Variants in TBX21 observed in about 807,000 individuals in gnomAD.
TBX21 encodes T-box transcription factor 21.
TBX21 carries 11 observed loss-of-function variants against 52.2 expected under a neutral mutation model. The observed-to-expected ratio is 0.21, with a 90% confidence interval of 0.13 to 0.35. The LOEUF (loss-of-function observed/expected upper bound fraction) is 0.35. Ranked by LOEUF, TBX21 falls within the 10% of genes least tolerant of loss-of-function variation. TBX21 has a pLI of 1.00. For missense variants in TBX21, 625 were observed against 755.1 expected, an observed-to-expected ratio of 0.83 and a Z score of 2.02; for synonymous variants, 300 against 316.1, an observed-to-expected ratio of 0.95 and a Z score of 0.54.
At chr17:47,736,025 G>T (rs1489008331) in intron 1 of TBX21, among the ~76,000 whole-genome samples, 1 of 152,188 alleles carries the variant, frequency 6.6e-6, no homozygotes, top group Non-Finnish European at 1.5e-5. Context: ...GCTTCAGGGA[G>T]GCTGTAGAGC....
In TBX21 at chr17:47,733,800, G is replaced by A. The variant is rs1300379476; in HGVS notation, c.346G>A (p.Gly116Arg). The change falls in exon 1 of 6, where the codon GGG (glycine) becomes AGG (arginine). Residue 116 changes from glycine (G) to arginine (R), a missense_variant. This residue lies in a region of TBX21 where 221 missense variants were observed against 204.9 expected (regional missense o/e 1.08). Coordinates refer to ENST00000177694, the MANE Select transcript of TBX21 (RefSeq NM_013351.2). This position sits in a 1 kb window ranked among gnomAD's most constrained non-coding sequence, Gnocchi z 6.6. Reference protein sequence around the residue: ...EGYAAPDPRAGLYPGPREDYA... With the variant: ...EGYAAPDPRARLYPGPREDYA... ...CTACGCCGCCCCGGACCCGCGCGCC[G>A]GGCTCTACCCGGGGCCGCGTGAGGA... 4 of 1,575,858 alleles carry A rather than the reference G, an allele frequency of 2.5e-6. No individual in the cohort carries two copies. The South Asian group carries it at 4.6e-5, about 18-fold the overall frequency.
chr17:47,742,928 C>T lies in TBX21; in HGVS notation c.647-143C>T. 2.0e-6 allele frequency: 3 copies of T among 1,506,060 alleles called. No homozygotes were observed. Among genetic ancestry groups the T allele is most frequent in the Non-Finnish European group, 2.7e-6 (3 of 1,125,884 alleles). 93.3% of individuals were successfully genotyped at this position (1,506,060 alleles called of 1,614,324 possible). A position where few individuals can be genotyped will look rare whatever the true frequency, so the allele number is the denominator to read the frequency against. ...TTCTGGCTTCCTGCTTTGCTCTAGC[C>T]TGTCCTCTGCTGAGTCCTCTGCCCT... is the stretch of plus-strand genomic sequence containing the variant. On this transcript the variant is annotated intron_variant, in intron 2 of 5. Coordinates refer to ENST00000177694, the MANE Select transcript of TBX21 (RefSeq NM_013351.2). The surrounding 1 kb of genome is among the most constrained non-coding windows in gnomAD (Gnocchi z 4.4).
In TBX21 at chr17:47,733,741, C is replaced by T; in HGVS notation, c.287C>T (p.Pro96Leu). The change falls in exon 1 of 6, where the codon CCC becomes CTC. Residue 96 changes from proline (P) to leucine (L), a missense_variant. Pro to Leu is a moderately conservative substitution (Grantham distance 98, BLOSUM62 -3). Coordinates refer to ENST00000177694, the MANE Select transcript of TBX21 (RefSeq NM_013351.2). The surrounding 1 kb of genome is among the most constrained non-coding windows in gnomAD (Gnocchi z 6.6). ...FPGAGESFPPPADAEGYQPGE... is the reference protein window; with the variant it reads ...FPGAGESFPPLADAEGYQPGE... ...GGCGCGGGCGAGTCCTTCCCGCCGC[C>T]CGCGGACGCCGAGGGCTACCAGCCG... The T allele has an allele frequency of 6.9e-7, 1 of 1,442,528 alleles. No homozygotes were observed. Among genetic ancestry groups the T allele is most frequent in the Non-Finnish European group, 9.1e-7 (1 of 1,102,026 alleles). The allele number at this position is 1,442,528 out of a possible 1,614,324, so 89.4% of individuals were successfully genotyped here. A position where few individuals can be genotyped will look rare whatever the true frequency, so the allele number is the denominator to read the frequency against.
At chr17:47,743,311 A>G (rs2032288771) in intron 3 of TBX21, 119 bp downstream of exon 3, 1 of 1,389,268 alleles carries the variant, frequency 7.2e-7, no homozygotes, top group African/African-American at 1.5e-5. Context: ...TTCCTACAGG[A>G]AGGAAGGTTC....
chr17:47,745,090 G>T lies in TBX21; in HGVS notation c.1332G>T (p.Pro444=). 1.2e-6 allele frequency: 2 copies of T among 1,613,698 alleles called. No homozygotes were observed. The highest frequency in any genetic ancestry group is 1.7e-6 in the Non-Finnish European group (2 of 1,180,012). ...VAPQYPPKMG[P]ASWFRPMRTL... is the part of the protein sequence containing the mutation. ...CCCAGTACCCTCCCAAGATGGGCCC[G>T]GCCAGCTGGTTCCGCCCTATGCGGA... is the stretch of plus-strand genomic sequence containing the variant. The change falls in exon 6 of 6, where the codon CCG becomes CCT. Residue 444 remains proline, a synonymous_variant. Transcript: ENST00000177694.
intron 1 of TBX21, among the ~76,000 whole-genome samples, chr17:47,741,277 G>A (rs2032264436): frequency 6.6e-6 from 1 of 152,022 alleles, no homozygotes; most frequent in South Asian, 2.1e-4. Flanking sequence ...TGTAGTGACG[G>A]TGGTTGTGAT....
chr17:47,744,640 T>A (rs1464542076), intron 5 of TBX21, 97 bp downstream of exon 5: 12 of 1,604,086 alleles, frequency 7.5e-6, no homozygotes, highest in Admixed American at 1.7e-5. Context: ...ATGCTACAGG[T>A]GGGCAGGCCA....
Position 47,742,576 on chromosome 17 carries a change from G to A in TBX21, c.492-34G>A. The A allele has an allele frequency of 6.4e-7, 1 of 1,564,906 alleles. No individual in the cohort carries two copies. Among genetic ancestry groups the A allele is most frequent in the Non-Finnish European group, 8.7e-7 (1 of 1,151,014 alleles). ...GGGGACTGGCTGTCAAGCTGGAGCT[G>A]ATGGGTGCTGGGGGCTTTCTCTCTT... On this transcript the variant is annotated intron_variant, in intron 1 of 5. Coordinates refer to ENST00000177694, the MANE Select transcript of TBX21 (RefSeq NM_013351.2). The surrounding 1 kb of genome is among the most constrained non-coding windows in gnomAD (Gnocchi z 4.4).
In TBX21 at chr17:47,745,258, G is replaced by A; in HGVS notation, c.1500G>A (p.Arg500=). The A allele has an allele frequency of 6.2e-7, 1 of 1,614,252 alleles. No individual in the cohort carries two copies. Among genetic ancestry groups the A allele is most frequent in the Non-Finnish European group, 8.5e-7 (1 of 1,180,046 alleles). ...SGLGEGDSKR[R]RVSPYPSSGD... is the part of the protein sequence containing the mutation. ...TGGGCGAAGGAGACTCTAAGAGGAG[G>A]CGCGTGTCCCCCTATCCTTCCAGTG... The change falls in exon 6 of 6, where the codon AGG becomes AGA. Residue 500 remains arginine (R), a synonymous_variant. Transcript: ENST00000177694.
At position 47,742,470 on chromosome 17, in the gene TBX21, C is replaced by T; in HGVS notation, c.492-140C>T. On this transcript the variant is annotated intron_variant, in intron 1 of 5. Transcript: ENST00000177694. This position sits in a 1 kb window ranked among gnomAD's most constrained non-coding sequence, Gnocchi z 4.4. The stretch of plus-strand genomic sequence containing the variant: ...TGTTTAACCACTGGCTGGCAAACTC[C>T]CTAAACACCTTCCAGCTGGTTCTTG... 9.7e-7 allele frequency: 1 copy of T among 1,031,012 alleles called. No homozygotes were observed. Among genetic ancestry groups the T allele is most frequent in the Non-Finnish European group, 1.4e-6 (1 of 732,292 alleles). The allele number at this position is 1,031,012 out of a possible 1,614,324, so 63.9% of individuals were successfully genotyped here.
intron 1 of TBX21, among the ~76,000 whole-genome samples, chr17:47,734,554 GGTGTGTGT>G (rs55690005): frequency 0.031 from 3,204 of 102,946 alleles, 28 homozygotes; most frequent in South Asian, 0.046. Context: ...TCATATGTCT[GGTGTGTGT>G]GTGTGTGTGT....
intron 1 of TBX21, among the ~76,000 whole-genome samples, chr17:47,738,231 C>T (rs1023821964): frequency 1.9e-4 from 29 of 152,318 alleles, no homozygotes; most frequent in Admixed American, 1.8e-3. Flanking sequence ...GATTATGGCT[C>T]ACTGCAGCCT....
chr17:47,737,138 G>A (rs545541185), intron 1 of TBX21, among the ~76,000 whole-genome samples: 1 of 152,208 alleles, frequency 6.6e-6, no homozygotes, highest in Non-Finnish European at 1.5e-5. Flanking sequence ...GGAGACTTTG[G>A]TGTCTACGTT....
rs1349928467 is a variant in TBX21, at chr17:47,733,350, CG to C, written c.-102del. ...CCGGTGGGGTCCCCCACCCGGCCCT[CG>C]GGTCCCCCGCCCCCTGCTCCCTGCC... On this transcript the variant is annotated 5_prime_UTR_variant, in exon 1 of 6. Coordinates refer to ENST00000177694, the MANE Select transcript of TBX21 (RefSeq NM_013351.2). The surrounding 1 kb of genome is among the most constrained non-coding windows in gnomAD (Gnocchi z 6.6). 21 of 1,332,348 alleles carry C rather than the reference CG, an allele frequency of 1.6e-5. No individual in the cohort carries two copies. Among genetic ancestry groups the C allele is most frequent in the Non-Finnish European group, 1.9e-5 (20 of 1,042,572 alleles). The allele number at this position is 1,332,348 out of a possible 1,614,324, so 82.5% of individuals were successfully genotyped here. A position where few individuals can be genotyped will look rare whatever the true frequency, so the allele number is the denominator to read the frequency against.
At chr17:47,739,656 G>A (rs1297082273) in intron 1 of TBX21, among the ~76,000 whole-genome samples, 1 of 152,100 alleles carries the variant, frequency 6.6e-6, no homozygotes, top group Non-Finnish European at 1.5e-5. Flanking sequence ...CTACTCGGGA[G>A]GCTGAGGCAG....
chr17:47,744,871 C>A lies in TBX21; in HGVS notation c.1113C>A (p.Pro371=). 1.9e-6 allele frequency: 3 copies of A among 1,614,236 alleles called. No individual in the cohort carries two copies. The highest frequency in any genetic ancestry group is 2.5e-6 in the Non-Finnish European group (3 of 1,180,036). ...NQYPVPSRFY[P]DLPGQAKDVV... ...ATCCTGTTCCCAGCCGCTTCTACCCCGACCTTCCTGGCCAGGCGAAGGATG... is the reference window on the plus strand; with the variant it reads ...ATCCTGTTCCCAGCCGCTTCTACCCAGACCTTCCTGGCCAGGCGAAGGATG... Residue 371 remains proline, a synonymous_variant, in exon 6 of 6, where the codon CCC becomes CCA. Coordinates refer to ENST00000177694, the MANE Select transcript of TBX21 (RefSeq NM_013351.2).
At chr17:47,735,970 G>A (rs963075329) in intron 1 of TBX21, among the ~76,000 whole-genome samples, 3 of 152,196 alleles carry the variant, frequency 2.0e-5, no homozygotes, top group Non-Finnish European at 2.9e-5. Flanking sequence ...AGCACTCTAG[G>A]GAGTTGGCCA....
rs56282776 is a variant in TBX21 at position 47,741,352 on chromosome 17, G to A, written c.492-1258G>A. Among the ~76,000 whole-genome samples the A allele has an allele frequency of 6.2e-3, 936 of 152,194 alleles. 2 individuals carry two copies. Among genetic ancestry groups the A allele is most frequent in the Non-Finnish European group, 9.7e-3 (657 of 67,994 alleles). On this transcript the variant is annotated intron_variant, in intron 1 of 5. Transcript: ENST00000177694. Reference sequence around the variant, plus strand: ...TGCTGGTTGTAGTGGTGGTGGTGACGGGGCTAGTGAAGGTGTTAGTGGTGG... The same window carrying A: ...TGCTGGTTGTAGTGGTGGTGGTGACAGGGCTAGTGAAGGTGTTAGTGGTGG...
rs2032173030 is a variant in TBX21 at position 47,733,954 on chromosome 17, G to A, written c.491+9G>A. ...ATCACCAAGCAGGGACGGTGAGTGC[G>A]GCGCGCCGGCCCTTGGGGCCTCTGT... On this transcript the variant is annotated intron_variant, in intron 1 of 5. Transcript: ENST00000177694. This position sits in a 1 kb window ranked among gnomAD's most constrained non-coding sequence, Gnocchi z 6.6. The A allele has an allele frequency of 1.9e-6, 3 of 1,612,948 alleles. No individual in the cohort carries two copies. Among genetic ancestry groups the A allele is most frequent in the Non-Finnish European group, 2.5e-6 (3 of 1,179,586 alleles).
Sources: gnomAD v4.1 joint callset for allele counts (sites outside exome capture counted in the v4.1 genomes callset) on GRCh38, gnomAD v4.1.1 for gene constraint, gnomAD v4.1.1 regional missense constraint, Gnocchi (gnomAD v3.1) non-coding constraint, MANE v1.5 for transcripts, NCBI Gene and HGNC (gene_info 2026-07-23, HGNC 2026-07-21) for gene names.